Variants in STOX2 observed in about 807,000 individuals in gnomAD.
STOX2 encodes storkhead-box protein 2.
STOX2 carries 28 observed loss-of-function variants against 60.9 expected under a neutral mutation model. The observed-to-expected ratio is 0.46, with a 90% CI of 0.34 to 0.63. STOX2 has a LOEUF of 0.63. Among genes scored for constraint, STOX2 ranks in the 30% least tolerant of loss-of-function variants. The pLI is 0.01. For synonymous variants in STOX2, 472 were observed against 463.9 expected (o/e 1.02, Z -0.22); for missense variants, 1,024 against 1,187.7 (o/e 0.86, Z 2.03).
At chr4:183,882,974 G>T (rs1174223824) in intron 1 of STOX2, among the ~76,000 whole-genome samples, 1 of 152,128 alleles carries the variant, frequency 6.6e-6, no homozygotes. Flanking sequence ...TATTGTTGGA[G>T]ATTTAAAATT....
intron 1 of STOX2, among the ~76,000 whole-genome samples, chr4:183,839,984 G>T (rs556919480): frequency 1.9e-4 from 29 of 152,206 alleles, no homozygotes; most frequent in African/African-American, 5.8e-4. Flanking sequence ...TAACACAAAG[G>T]CCTGTGGTCT....
chr4:183,798,293 C>A (rs1425621659), intron 1 of STOX2, among the ~76,000 whole-genome samples: 1 of 151,080 alleles, frequency 6.6e-6, no homozygotes, highest in Non-Finnish European at 1.5e-5. Flanking sequence ...CCCGCCTGCC[C>A]GCGGGAGCCT....
intron 1 of STOX2, among the ~76,000 whole-genome samples, chr4:183,847,582 C>T (rs1205392055): frequency 6.6e-6 from 1 of 152,186 alleles, no homozygotes; most frequent in African/African-American, 2.4e-5. Flanking sequence ...GCTCTCCTTC[C>T]AGCACTAGGA....
chr4:183,912,989 T>C (rs1335935457), intron 1 of STOX2, among the ~76,000 whole-genome samples: 2 of 152,158 alleles, frequency 1.3e-5, no homozygotes, highest in Non-Finnish European at 2.9e-5. Flanking sequence ...TACTAAATAA[T>C]AGGATACAAT....
At chr4:183,913,735 C>T (rs896915516) in intron 1 of STOX2, among the ~76,000 whole-genome samples, 2 of 152,000 alleles carry the variant, frequency 1.3e-5, no homozygotes, top group Admixed American at 1.3e-4. Context: ...CGCCTCACTG[C>T]ACTCCAGCCT....
chr4:183,964,143 T>C (rs975749914), intron 1 of STOX2, among the ~76,000 whole-genome samples: 2 of 152,234 alleles, frequency 1.3e-5, no homozygotes, highest in African/African-American at 4.8e-5. Context: ...GTTCCACTTG[T>C]GTAAAAAGGG....
At chr4:183,798,180 C>A (rs1233889155) in intron 1 of STOX2, 3 of 960,198 alleles carry the variant, frequency 3.1e-6, no homozygotes, top group South Asian at 5.4e-5. Context: ...CCTGGGTGCC[C>A]GCGTCCCTGC....
At chr4:183,818,082 TTTTC>T (rs1739193079) in intron 1 of STOX2, among the ~76,000 whole-genome samples, 2 of 150,030 alleles carry the variant, frequency 1.3e-5, no homozygotes, top group East Asian at 4.0e-4. Flanking sequence ...TCTTTTTTTC[TTTTC>T]TTTTTTTTTT....
Position 184,009,297 on chromosome 4 carries a change from T to A in STOX2, c.459T>A (p.Thr153=), listed in dbSNP as rs1179810494. The A allele has an allele frequency of 6.2e-7, 1 of 1,613,806 alleles. No homozygotes were observed. The highest frequency in any genetic ancestry group is 1.3e-5 in the African/African-American group (1 of 74,888). The change falls in exon 3 of 4, where the codon ACT becomes ACA. Residue 153 remains threonine, a synonymous_variant. Coordinates refer to ENST00000308497, the MANE Select transcript of STOX2 (RefSeq NM_020225.3). The surrounding 1 kb of genome is among the most constrained non-coding windows in gnomAD (Gnocchi z 4.0). ...TCATAACTCCTTCCCTCATAAGAAC[T>A]AACAGTAAATGGTACCATTTGGACG... ...TYFITPSLIR[T]NSKWYHLDER... is the part of the protein sequence containing the mutation.
At chr4:183,827,649 A>T (rs1384791523) in intron 1 of STOX2, among the ~76,000 whole-genome samples, 1 of 152,180 alleles carries the variant, frequency 6.6e-6, no homozygotes, top group Non-Finnish European at 1.5e-5. Flanking sequence ...CAAATCTCAG[A>T]CATCATACTA....
chr4:183,950,011 T>G (rs926757945), intron 1 of STOX2, among the ~76,000 whole-genome samples: 1 of 152,204 alleles, frequency 6.6e-6, no homozygotes, highest in African/African-American at 2.4e-5. Context: ...GTCATAAAGT[T>G]TTCATTTTAG....
intron 1 of STOX2, among the ~76,000 whole-genome samples, chr4:183,973,090 C>T (rs1346220571): frequency 6.6e-6 from 1 of 152,000 alleles, no homozygotes; most frequent in Non-Finnish European, 1.5e-5. Context: ...GTAAACAGAG[C>T]TTCAAGGATG....
chr4:183,916,824 G>A (rs940402586), intron 1 of STOX2, among the ~76,000 whole-genome samples: 19 of 152,168 alleles, frequency 1.2e-4, no homozygotes, highest in Non-Finnish European at 2.2e-4. Context: ...GACCTTTCCA[G>A]AACGCTTTTG....
chr4:183,878,018 A>G (rs1380459922), intron 1 of STOX2, among the ~76,000 whole-genome samples: 2 of 152,150 alleles, frequency 1.3e-5, no homozygotes, highest in East Asian at 1.9e-4. Flanking sequence ...AATTTATCCT[A>G]TTAAGCCCTG....
intron 1 of STOX2, among the ~76,000 whole-genome samples, chr4:183,819,315 A>G (rs532268305): frequency 0.017 from 2,611 of 151,852 alleles, 78 homozygotes; most frequent in African/African-American, 0.059. Flanking sequence ...GGCCGAGGCT[A>G]GCAGATCACT....
chr4:183,903,957 C>A (rs945829100), upstream of STOX2, among the ~76,000 whole-genome samples: 2 of 152,144 alleles, frequency 1.3e-5, no homozygotes, highest in Non-Finnish European at 2.9e-5. Context: ...AATAAATATA[C>A]ACTCACCATA....
rs370067134 is a variant in STOX2 at position 184,009,540 on chromosome 4, G to A, written c.702G>A (p.Val234=). The part of the protein sequence containing the change: ...DPYCPPSLCQ[V]PPTEKSKSTV... ...ACTGTCCCCCTTCTCTGTGCCAGGT[G>A]CCACCCACTGAAAAGAGCAAAAGTA... is the stretch of plus-strand genomic sequence containing the variant. The change falls in exon 3 of 4, where the codon GTG becomes GTA. Residue 234 remains valine (V), a synonymous_variant. Transcript: ENST00000308497. The surrounding 1 kb of genome is among the most constrained non-coding windows in gnomAD (Gnocchi z 4.0). 1 of 1,613,876 alleles carries A rather than the reference G, an allele frequency of 6.2e-7. No homozygotes were observed. Among genetic ancestry groups the A allele is most frequent in the Non-Finnish European group, 8.5e-7 (1 of 1,179,892 alleles).
chr4:183,984,508 C>A (rs1233763752), intron 1 of STOX2, among the ~76,000 whole-genome samples: 2 of 152,178 alleles, frequency 1.3e-5, no homozygotes, highest in Non-Finnish European at 2.9e-5. Flanking sequence ...ATGTACACAA[C>A]CTTAAAGATT....
At chr4:183,938,635 C>T (rs1199582163) in intron 1 of STOX2, among the ~76,000 whole-genome samples, 3 of 143,302 alleles carry the variant, frequency 2.1e-5, no homozygotes, top group Non-Finnish European at 4.5e-5. Flanking sequence ...TGCCACTGCA[C>T]TCCAACCCGG....
Sources: gnomAD v4.1 joint callset for allele counts (sites outside exome capture counted in the v4.1 genomes callset) on GRCh38, gnomAD v4.1.1 for gene constraint, Gnocchi (gnomAD v3.1) non-coding constraint, MANE v1.5 for transcripts, NCBI Gene and HGNC (gene_info 2026-07-23, HGNC 2026-07-21) for gene names.